Variants in ADAMTS20 observed in about 807,000 individuals in gnomAD.
ADAMTS20 encodes the protein ADAM metallopeptidase with thrombospondin type 1 motif 20.
In ADAMTS20, 225 loss-of-function variants were observed where a neutral mutation model predicts 260.1. The observed-to-expected ratio is 0.87, with a 90% CI of 0.78 to 0.97. ADAMTS20 has a LOEUF of 0.97. Ranked by LOEUF, ADAMTS20 falls within the 50% of genes least tolerant of loss-of-function variation. The pLI is 0.00. For missense variants in ADAMTS20, 2,400 were observed against 2,337.7 expected (o/e 1.03, Z -0.55); for synonymous variants, 802 against 769.5 (o/e 1.04, Z -0.70).
At chr12:43,387,161 G>T (rs1428892046) in intron 29 of ADAMTS20, among the ~76,000 whole-genome samples, 1 of 152,172 alleles carries the variant, frequency 6.6e-6, no homozygotes, top group Non-Finnish European at 1.5e-5. Context: ...GTGACCATTG[G>T]ATGGGGTTTT....
intron 11 of ADAMTS20, among the ~76,000 whole-genome samples, chr12:43,460,988 A>ATATATATATATTTTTTTT: frequency 3.8e-5 from 1 of 26,394 alleles, no homozygotes; most frequent in Non-Finnish European, 6.7e-5. Context: ...ATATATATAT[A>ATATATATATATTTTTTTT]TTTTTTTTTT....
intron 2 of ADAMTS20, among the ~76,000 whole-genome samples, chr12:43,539,190 A>AAC (rs1943340278): frequency 6.6e-6 from 1 of 152,038 alleles, no homozygotes; most frequent in Non-Finnish European, 1.5e-5. Flanking sequence ...TGACCTCGTG[A>AAC]TCCACCCGCC....
intron 29 of ADAMTS20, among the ~76,000 whole-genome samples, chr12:43,389,746 C>A (rs1038857464): frequency 1.3e-5 from 2 of 152,078 alleles, no homozygotes; most frequent in Non-Finnish European, 2.9e-5. Context: ...CAAGGATGGA[C>A]TTTCCTCCAC....
chr12:43,486,947 A>G (rs890050841), intron 7 of ADAMTS20, among the ~76,000 whole-genome samples: 7 of 152,224 alleles, frequency 4.6e-5, no homozygotes, highest in Non-Finnish European at 1.0e-4. Flanking sequence ...AGATGTGGTA[A>G]AAAAGAAATG....
intron 28 of ADAMTS20, among the ~76,000 whole-genome samples, chr12:43,419,790 G>C (rs1941195321): frequency 6.6e-6 from 1 of 151,804 alleles, no homozygotes; most frequent in South Asian, 2.1e-4. Context: ...CCAATAATTA[G>C]AGTATCCACT....
chr12:43,496,809 C>T (rs1480083758), intron 4 of ADAMTS20, among the ~76,000 whole-genome samples: 2 of 152,040 alleles, frequency 1.3e-5, no homozygotes, highest in Non-Finnish European at 2.9e-5. Context: ...AATTAGATAT[C>T]TTCATGGAAT....
intron 29 of ADAMTS20, among the ~76,000 whole-genome samples, chr12:43,395,001 A>T (rs1372115985): frequency 6.6e-6 from 1 of 152,152 alleles, no homozygotes; most frequent in African/African-American, 2.4e-5. Context: ...TCAACCATTT[A>T]TGCCTTGAAA....
At chr12:43,532,523 C>T (rs1943237828) in intron 2 of ADAMTS20, among the ~76,000 whole-genome samples, 1 of 143,286 alleles carries the variant, frequency 7.0e-6, no homozygotes, top group African/African-American at 2.6e-5. Context: ...TGCTTTTGAT[C>T]TGTGGGAAAA....
At position 43,490,827 on chromosome 12, in the gene ADAMTS20, AT is replaced by A. The variant is rs923526672; in HGVS notation, c.1077-393del. Among the ~76,000 whole-genome samples the A allele has an allele frequency of 7.2e-5, 11 of 151,790 alleles. No homozygotes were observed. The South Asian group carries it at 1.9e-3, about 26-fold the overall frequency. On this transcript the variant is annotated intron_variant, in intron 6 of 38. Coordinates refer to ENST00000389420, the MANE Select transcript of ADAMTS20 (RefSeq NM_025003.5). ...TTCTCAGATGTTACGAAGTTGATAA[AT>A]TTTTTTTGCTTCTGCATTACTTAGT...
At chr12:43,442,899 A>G (rs1941694352) in intron 16 of ADAMTS20, among the ~76,000 whole-genome samples, 2 of 152,218 alleles carry the variant, frequency 1.3e-5, no homozygotes, top group African/African-American at 2.4e-5. Flanking sequence ...ACCTCTATCT[A>G]GTTCCAAAAC....
intron 37 of ADAMTS20, among the ~76,000 whole-genome samples, chr12:43,358,820 G>C (rs1939804467): frequency 8.0e-6 from 1 of 125,176 alleles, no homozygotes; most frequent in Non-Finnish European, 1.6e-5. Flanking sequence ...CTGGGCGACA[G>C]AGCGAAACTC....
intron 28 of ADAMTS20, chr12:43,423,985 A>G (rs905298265): frequency 3.4e-5 from 23 of 672,340 alleles, no homozygotes; most frequent in Non-Finnish European, 5.7e-5. Context: ...TATAAAGATG[A>G]ATTTCAGCCT....
intron 28 of ADAMTS20, among the ~76,000 whole-genome samples, chr12:43,409,603 A>G (rs1322592879): frequency 3.8e-5 from 2 of 52,446 alleles, no homozygotes; most frequent in Admixed American, 2.9e-4. Context: ...CTCCGTCTCA[A>G]AAAAAAAAAA....
intron 16 of ADAMTS20, among the ~76,000 whole-genome samples, chr12:43,441,463 G>A (rs1941664742): frequency 1.0e-5 from 1 of 97,982 alleles, no homozygotes; most frequent in Non-Finnish European, 2.5e-5. Flanking sequence ...ATGGATTTAA[G>A]TTTAAGTTGT....
intron 16 of ADAMTS20, 61 bp downstream of exon 16, chr12:43,443,730 C>T: frequency 7.4e-7 from 1 of 1,347,212 alleles, no homozygotes; most frequent in Non-Finnish European, 1.1e-6. Flanking sequence ...ACATCAACTA[C>T]AGACTTCCAT....
At chr12:43,426,015 G>T (rs750411390) in intron 27 of ADAMTS20, among the ~76,000 whole-genome samples, 3 of 152,060 alleles carry the variant, frequency 2.0e-5, no homozygotes, top group Non-Finnish European at 4.4e-5. Context: ...GGTTAAGCCA[G>T]AATCAAAATT....
chr12:43,552,066 T>A lies in ADAMTS20; in HGVS notation c.-145A>T. The A allele has an allele frequency of 1.5e-6, 1 of 662,576 alleles. No homozygotes were observed. Among genetic ancestry groups the A allele is most frequent in the African/African-American group, 1.8e-5 (1 of 55,450 alleles). 41.0% of individuals were successfully genotyped at this position (662,576 alleles called of 1,614,324 possible). On this transcript the variant is annotated 5_prime_UTR_variant, in exon 1 of 39. Coordinates refer to ENST00000389420, the MANE Select transcript of ADAMTS20 (RefSeq NM_025003.5). Reference sequence around the variant, plus strand: ...GCCTAGGGAACAGCAGCGCGGGCCCTGGGCCGGCTGGTCCAGCCACACCGC... The same window carrying A: ...GCCTAGGGAACAGCAGCGCGGGCCCAGGGCCGGCTGGTCCAGCCACACCGC...
At chr12:43,454,910 A>G (rs543857084) in intron 11 of ADAMTS20, among the ~76,000 whole-genome samples, 48 of 152,360 alleles carry the variant, frequency 3.2e-4, no homozygotes, top group South Asian at 1.9e-3. Flanking sequence ...CAAAACATGC[A>G]TAACATAAAA....
intron 28 of ADAMTS20, among the ~76,000 whole-genome samples, chr12:43,404,327 C>A (rs1324120501): frequency 1.3e-5 from 2 of 152,042 alleles, no homozygotes; most frequent in Non-Finnish European, 2.9e-5. Flanking sequence ...ACCACAGGAT[C>A]TTGCATCAAC....
Sources: allele counts gnomAD v4.1 joint callset (sites outside exome capture counted in the v4.1 genomes callset), GRCh38; gene constraint gnomAD v4.1.1; transcripts MANE v1.5; gene names NCBI Gene and HGNC (gene_info 2026-07-23, HGNC 2026-07-21).